The following RAB11FIP4 variants were observed in gnomAD, a reference collection of about 807,000 sequenced individuals.
RAB11FIP4 encodes RAB11 family interacting protein 4, also known as rab11 family-interacting protein 4.
Under a neutral mutation model 74.3 loss-of-function variants are expected in RAB11FIP4, and 23 were observed. The ratio of observed to expected loss-of-function variants is 0.31; its 90% CI spans 0.22 to 0.44. The LOEUF is 0.44. Among genes scored for constraint, RAB11FIP4 ranks in the 20% least tolerant of loss-of-function variants. The probability of loss-of-function intolerance (pLI) is 1.00; values close to 1 mark genes in which losing one functional copy is unlikely to be tolerated. For missense variants in RAB11FIP4, 630 were observed against 863.9 expected, an observed-to-expected ratio of 0.73 and a Z score of 3.39; for synonymous variants, 360 against 359.9, an observed-to-expected ratio of 1.00 and a Z score of 0.00.
rs1194666595 is a variant in RAB11FIP4 at position 31,535,851 on chromosome 17, C to T, written c.*4119C>T. The stretch of plus-strand genomic sequence containing the variant: ...GTCCCCCTGAAAGCAGCCGCAGAAA[C>T]AGCTGCCACCTATTTGCATAGCTGA... On this transcript the variant is annotated 3_prime_UTR_variant, in exon 15 of 15. Transcript: ENST00000621161. The T allele has an allele frequency of 6.6e-6, 1 of 152,280 alleles. No individual in the cohort carries two copies. The highest frequency in any genetic ancestry group is 6.5e-5 in the Admixed American group (1 of 15,284). 9.4% of individuals were successfully genotyped at this position (152,280 alleles called of 1,614,324 possible).
chr17:31,484,127 G>A (rs2071877901), intron 3 of RAB11FIP4, among the ~76,000 whole-genome samples: 1 of 145,378 alleles, frequency 6.9e-6, no homozygotes, highest in Admixed American at 7.0e-5. Flanking sequence ...CTGGAGTGCA[G>A]TGGCACAATC....
chr17:31,471,741 CCTG>C (rs1271644528), intron 3 of RAB11FIP4, among the ~76,000 whole-genome samples: 1 of 152,162 alleles, frequency 6.6e-6, no homozygotes, highest in Non-Finnish European at 1.5e-5. Flanking sequence ...AGGCCCCCAC[CCTG>C]CTGCTGCCCA....
chr17:31,488,170 G>A, intron 3 of RAB11FIP4: 1 of 1,072,340 alleles, frequency 9.3e-7, no homozygotes, highest in Non-Finnish European at 1.1e-6. Flanking sequence ...CTTCGGGGCT[G>A]CCCGCCGCGT....
At chr17:31,487,966 G>C (rs933721812) in intron 3 of RAB11FIP4, 185 of 554,544 alleles carry the variant, frequency 3.3e-4, no homozygotes, top group Non-Finnish European at 4.0e-4. Flanking sequence ...CTCCGCCCCC[G>C]CCCCCGCCCC....
chr17:31,397,874 CTT>C (rs1267977554), intron 1 of RAB11FIP4, among the ~76,000 whole-genome samples: 29 of 141,950 alleles, frequency 2.0e-4, no homozygotes, highest in Non-Finnish European at 2.9e-4. Flanking sequence ...ACGCCCCTGC[CTT>C]TTTTTTTTTT....
intron 3 of RAB11FIP4, among the ~76,000 whole-genome samples, chr17:31,480,543 A>G (rs2071836441): frequency 6.6e-6 from 1 of 152,090 alleles, no homozygotes; most frequent in South Asian, 2.1e-4. Flanking sequence ...TAATCCCACC[A>G]CTTTGAGGCC....
intron 3 of RAB11FIP4, among the ~76,000 whole-genome samples, chr17:31,446,489 C>T (rs935572299): frequency 2.6e-5 from 4 of 152,100 alleles, no homozygotes; most frequent in African/African-American, 9.7e-5. Flanking sequence ...TGGGTAACGT[C>T]TGTGCGATGA....
chr17:31,472,282 G>A (rs1241242957), intron 3 of RAB11FIP4, among the ~76,000 whole-genome samples: 4 of 152,176 alleles, frequency 2.6e-5, no homozygotes, highest in Non-Finnish European at 4.4e-5. Flanking sequence ...GCAGTGCCGC[G>A]TGATGAGTGC....
In RAB11FIP4 at chr17:31,461,241, G is replaced by A. The variant is rs538806438; in HGVS notation, c.336+27119G>A. Among the ~76,000 whole-genome samples the A allele has an allele frequency of 3.9e-5, 6 of 152,196 alleles. No individual in the cohort carries two copies. In the South Asian group the frequency reaches 8.3e-4, roughly 21 times the overall value. ...ATGAGGCAGAAAAGCCCCTCCACAC[G>A]CACAAGCCTGGGCCTGGCCTTGGAC... is the stretch of plus-strand genomic sequence containing the variant. On this transcript the variant is annotated intron_variant, in intron 3 of 14. Transcript: ENST00000621161.
rs867018092 is a variant in RAB11FIP4 at position 31,531,841 on chromosome 17, C to T, written c.*109C>T. On this transcript the variant is annotated 3_prime_UTR_variant, in exon 15 of 15. Coordinates refer to ENST00000621161, the MANE Select transcript of RAB11FIP4 (RefSeq NM_032932.6). ...TCACACTCACACTGTAAATGTCTCT[C>T]TGGCCACCATGCGTTACGTGTACCC... 9 of 736,106 alleles carry T rather than the reference C, an allele frequency of 1.2e-5. No homozygotes were observed. Among genetic ancestry groups the T allele is most frequent in the Middle Eastern group, 2.7e-4 (1 of 3,658 alleles). 45.6% of individuals were successfully genotyped at this position (736,106 alleles called of 1,614,324 possible). A position where few individuals can be genotyped will look rare whatever the true frequency, so the allele number is the denominator to read the frequency against.
At chr17:31,463,822 TTTTTTTTTTG>T (rs2071656717) in intron 3 of RAB11FIP4, among the ~76,000 whole-genome samples, 1 of 130,878 alleles carries the variant, frequency 7.6e-6, no homozygotes, top group African/African-American at 3.0e-5. Flanking sequence ...TTTTTTTTTT[TTTTTTTTTTG>T]AGACAGAGTC....
Position 31,459,734 on chromosome 17 carries a change from T to A in RAB11FIP4, c.336+25612T>A, listed in dbSNP as rs949731499. On this transcript the variant is annotated intron_variant, in intron 3 of 14. Coordinates refer to ENST00000621161, the MANE Select transcript of RAB11FIP4 (RefSeq NM_032932.6). ...CACAGCTCGGCTGCCACCCAGAAGC[T>A]TTTCCAGCCCCTCCCCCCACCCAAA... 5.3e-5 allele frequency among the ~76,000 whole-genome samples: 8 copies of A among 151,494 alleles called. 1 individual carries two copies. Among genetic ancestry groups the A allele is most frequent in the Non-Finnish European group, 1.5e-5 (1 of 67,868 alleles).
In RAB11FIP4 at chr17:31,532,005, G is replaced by A. The variant is rs1597990413; in HGVS notation, c.*273G>A. 3 of 379,002 alleles carry A rather than the reference G, an allele frequency of 7.9e-6. No individual in the cohort carries two copies. The highest frequency in any genetic ancestry group is 4.0e-5 in the African/African-American group (2 of 49,494). 23.5% of individuals were successfully genotyped at this position (379,002 alleles called of 1,614,324 possible). ...GGGTACTGGAAGTGGGAGGAGGCAA[G>A]GTCTGCTATCAGGAGTTACTGTAAA... On this transcript the variant is annotated 3_prime_UTR_variant, in exon 15 of 15. Transcript: ENST00000621161.
intron 3 of RAB11FIP4, among the ~76,000 whole-genome samples, chr17:31,440,981 C>A (rs2071402251): frequency 6.6e-6 from 1 of 151,972 alleles, no homozygotes. Flanking sequence ...TTTATTCTGG[C>A]CTTTTATGCC....
At chr17:31,436,746 GTTTTTTGTTTTTTTTTTGTTT>G (rs2071360557) in intron 3 of RAB11FIP4, among the ~76,000 whole-genome samples, 1 of 36,178 alleles carries the variant, frequency 2.8e-5, no homozygotes, top group African/African-American at 1.1e-4. Context: ...TTTGGGTTTT[GTTTTTTGTTTTTTTTTTGTTT>G]TTTTTTGTTT....
intron 1 of RAB11FIP4, among the ~76,000 whole-genome samples, chr17:31,393,516 C>T (rs933557926): frequency 1.3e-5 from 2 of 152,362 alleles, no homozygotes; most frequent in South Asian, 2.1e-4. Context: ...GCCTCAGCCA[C>T]GTGCCCAGCA....
rs1263058068 is a variant in RAB11FIP4 at position 31,445,529 on chromosome 17, ATTTTAT to A, written c.336+11408_336+11413del. ...TAAAATCTACATTCAAATTTTCCCA[ATTTTAT>A]ATATATATATATATATATATATATA... On this transcript the variant is annotated intron_variant, in intron 3 of 14. Coordinates refer to ENST00000621161, the MANE Select transcript of RAB11FIP4 (RefSeq NM_032932.6). Among the ~76,000 whole-genome samples, 345 of 90,556 alleles carry A rather than the reference ATTTTAT, an allele frequency of 3.8e-3. 7 individuals carry two copies. The highest frequency in any genetic ancestry group is 4.9e-3 in the Non-Finnish European group (234 of 47,822). 59.4% of individuals were successfully genotyped at this position (90,556 alleles called of 152,430 possible).
chr17:31,519,217 T>C lies in RAB11FIP4; in HGVS notation c.563+1340T>C, dbSNP rs529369595. On this transcript the variant is annotated intron_variant, in intron 4 of 14. Coordinates refer to ENST00000621161, the MANE Select transcript of RAB11FIP4 (RefSeq NM_032932.6). Reference sequence around the variant, plus strand: ...TTTTAGTAGAGATGGGGTTTCACCATGTTGGCCAGGATGGTCTTGATCTCC... The same window carrying C: ...TTTTAGTAGAGATGGGGTTTCACCACGTTGGCCAGGATGGTCTTGATCTCC... Among the ~76,000 whole-genome samples, 6 of 152,102 alleles carry C rather than the reference T, an allele frequency of 3.9e-5. No homozygotes were observed. In the East Asian group the frequency reaches 1.2e-3, roughly 29 times the overall value.
At chr17:31,518,736 A>AG (rs1276273575) in intron 4 of RAB11FIP4, 1 of 152,430 alleles carries the variant, frequency 6.6e-6, no homozygotes, top group Non-Finnish European at 1.5e-5. Context: ...CTCTAAAAAA[A>AG]CCAAAAAACA....
Sources: gnomAD v4.1 joint callset for allele counts (sites outside exome capture counted in the v4.1 genomes callset) on GRCh38, gnomAD v4.1.1 for gene constraint, MANE v1.5 for transcripts, NCBI Gene and HGNC (gene_info 2026-07-23, HGNC 2026-07-21) for gene names.